Variants in CARMIL1 observed in about 807,000 individuals in gnomAD.
CARMIL1 encodes the protein capping protein regulator and myosin 1 linker 1, also known as F-actin-uncapping protein LRRC16A.
Under a neutral mutation model 177.1 loss-of-function variants are expected in CARMIL1, and 90 were observed. The ratio of observed to expected loss-of-function variants is 0.51; its 90% CI spans 0.43 to 0.61. The LOEUF is 0.61. CARMIL1 is among the 20% of genes least tolerant of loss of function. The pLI, the probability that CARMIL1 is intolerant of heterozygous loss-of-function variation, is 0.00. For synonymous variants in CARMIL1, 577 were observed against 606.2 expected, an observed-to-expected ratio of 0.95 and a Z score of 0.71; for missense variants, 1,380 against 1,667.0, an observed-to-expected ratio of 0.83 and a Z score of 3.00.
chr6:25,499,732 T>C lies in CARMIL1; in HGVS notation c.1326-434T>C, dbSNP rs572447064. Reference sequence around the variant, plus strand: ...ATACTACAGAGCCTGACTTCCTCACTTACATATTCCTTAGGGAAAACTAGC... The same window carrying C: ...ATACTACAGAGCCTGACTTCCTCACCTACATATTCCTTAGGGAAAACTAGC... On this transcript the variant is annotated intron_variant, in intron 16 of 36. Transcript: ENST00000329474. Among the ~76,000 whole-genome samples the C allele has an allele frequency of 7.2e-5, 11 of 152,330 alleles. No individual in the cohort carries two copies. The South Asian group carries it at 2.3e-3, about 32-fold the overall frequency.
At chr6:25,444,366 T>C (rs1324915767) in intron 5 of CARMIL1, among the ~76,000 whole-genome samples, 1 of 151,914 alleles carries the variant, frequency 6.6e-6, no homozygotes, top group Non-Finnish European at 1.5e-5. Flanking sequence ...TCAACCAGGT[T>C]CACAGTGTCT....
intron 2 of CARMIL1, among the ~76,000 whole-genome samples, chr6:25,411,336 C>A (rs1280330577): frequency 6.6e-6 from 1 of 152,152 alleles, no homozygotes; most frequent in African/African-American, 2.4e-5. Context: ...TCACCCTTGG[C>A]CTCATGCTAA....
intron 2 of CARMIL1, among the ~76,000 whole-genome samples, chr6:25,343,929 G>C (rs147472737): frequency 6.6e-6 from 1 of 152,026 alleles, no homozygotes; most frequent in African/African-American, 2.4e-5. Context: ...CTCCTGAAAC[G>C]CCACCTCCTC....
At chr6:25,494,760 C>A (rs534309574) in intron 15 of CARMIL1, among the ~76,000 whole-genome samples, 1 of 152,314 alleles carries the variant, frequency 6.6e-6, no homozygotes, top group African/African-American at 2.4e-5. Context: ...TTGTGCCACC[C>A]AGTGGGAAAG....
intron 2 of CARMIL1, among the ~76,000 whole-genome samples, chr6:25,415,299 ACTACAGG>A (rs1795259549): frequency 6.6e-6 from 1 of 152,056 alleles, no homozygotes; most frequent in African/African-American, 2.4e-5. Context: ...AGTAGTTGGG[ACTACAGG>A]TATGAGCCAC....
At chr6:25,336,601 T>C (rs77733631) in intron 2 of CARMIL1, among the ~76,000 whole-genome samples, 7,951 of 152,310 alleles carry the variant, frequency 0.052, 284 homozygotes, top group Non-Finnish European at 0.087. Flanking sequence ...AAATCATTCA[T>C]GAAAGTGCAC....
chr6:25,601,550 C>T (rs1815402076), intron 33 of CARMIL1, among the ~76,000 whole-genome samples: 1 of 152,096 alleles, frequency 6.6e-6, no homozygotes, highest in Non-Finnish European at 1.5e-5. Flanking sequence ...CTTTTCAAAC[C>T]TAAAAATTAT....
chr6:25,444,870 A>ACCC (rs1346319755), intron 5 of CARMIL1, among the ~76,000 whole-genome samples: 4 of 152,182 alleles, frequency 2.6e-5, no homozygotes, highest in Non-Finnish European at 4.4e-5. Context: ...AGGATTTATA[A>ACCC]TCCTTTGGGT....
At chr6:25,603,968 T>A (rs1815682700) in intron 33 of CARMIL1, among the ~76,000 whole-genome samples, 1 of 152,172 alleles carries the variant, frequency 6.6e-6, no homozygotes. Context: ...AATAGATCTG[T>A]GTCATGTGGT....
Position 25,595,264 on chromosome 6 carries a change from A to G in CARMIL1, c.3119+737A>G, listed in dbSNP as rs111710136. Among the ~76,000 whole-genome samples, 450 of 107,818 alleles carry G rather than the reference A, an allele frequency of 4.2e-3. 3 individuals are homozygous for G. The highest frequency in any genetic ancestry group is 0.015 in the African/African-American group (395 of 26,072). The allele number at this position is 107,818 out of a possible 152,430, so 70.7% of individuals were successfully genotyped here. A position where few individuals can be genotyped will look rare whatever the true frequency, so the allele number is the denominator to read the frequency against. On this transcript the variant is annotated intron_variant, in intron 32 of 36. Transcript: ENST00000329474. The stretch of plus-strand genomic sequence containing the variant: ...TCTTAACATGGATTTGTCTTTATGA[A>G]GATTCTCACCTTGAGATATCAAATT...
chr6:25,406,193 G>A lies in CARMIL1; in HGVS notation c.139-13921G>A, dbSNP rs1050359830. Among the ~76,000 whole-genome samples the A allele has an allele frequency of 1.1e-4, 16 of 152,154 alleles. 1 individual carries two copies. Among genetic ancestry groups the A allele is most frequent in the Non-Finnish European group, 2.1e-4 (14 of 68,030 alleles). ...GCAAATACGGTGGGAGTATATAATA[G>A]GGAGACCTGGTGTAGTCTGGACTTT... On this transcript the variant is annotated intron_variant, in intron 2 of 36. Coordinates refer to ENST00000329474, the MANE Select transcript of CARMIL1 (RefSeq NM_017640.6).
At chr6:25,463,290 A>G (rs1800282819) in intron 8 of CARMIL1, among the ~76,000 whole-genome samples, 1 of 152,066 alleles carries the variant, frequency 6.6e-6, no homozygotes, top group African/African-American at 2.4e-5. Flanking sequence ...TTATATGTAG[A>G]TTTTATTAAT....
intron 22 of CARMIL1, among the ~76,000 whole-genome samples, chr6:25,517,737 T>G (rs903696649): frequency 1.3e-5 from 2 of 149,860 alleles, no homozygotes; most frequent in African/African-American, 4.9e-5. Context: ...ATTGTGTAGA[T>G]TTCACAATCT....
rs577972186 is a variant in CARMIL1 at position 25,492,429 on chromosome 6, C to T, written c.1220+405C>T. On this transcript the variant is annotated intron_variant, in intron 15 of 36. Coordinates refer to ENST00000329474, the MANE Select transcript of CARMIL1 (RefSeq NM_017640.6). ...ATGCATTTTCACTTGTAGAAGTAAT[C>T]GAGGGCCAGTCTGACTACTTCACTT... 1.2e-4 allele frequency among the ~76,000 whole-genome samples: 18 copies of T among 152,232 alleles called. 1 individual carries two copies. In the East Asian group the frequency reaches 3.3e-3, roughly 28 times the overall value.
At chr6:25,340,554 C>A (rs768894010) in intron 2 of CARMIL1, among the ~76,000 whole-genome samples, 4 of 152,080 alleles carry the variant, frequency 2.6e-5, no homozygotes, top group Non-Finnish European at 5.9e-5. Flanking sequence ...CCAGATAGGC[C>A]AATTCATGTA....
chr6:25,378,023 T>C (rs985229153), intron 2 of CARMIL1, among the ~76,000 whole-genome samples: 26 of 152,144 alleles, frequency 1.7e-4, no homozygotes, highest in African/African-American at 6.3e-4. Context: ...GAGGGCTGGG[T>C]CAGGCAAGTC....
Position 25,423,122 on chromosome 6 carries a change from T to C in CARMIL1, c.189+2958T>C, listed in dbSNP as rs184820166. On this transcript the variant is annotated intron_variant, in intron 3 of 36. Coordinates refer to ENST00000329474, the MANE Select transcript of CARMIL1 (RefSeq NM_017640.6). ...AAGCCAGTGTGAATGATACTAATTT[T>C]CTGGAGAAATAAGTATATTTATAAC... Among the ~76,000 whole-genome samples, 131 of 152,340 alleles carry C rather than the reference T, an allele frequency of 8.6e-4. No individual in the cohort carries two copies. The Middle Eastern group carries it at 0.01, about 12-fold the overall frequency.
intron 5 of CARMIL1, among the ~76,000 whole-genome samples, chr6:25,445,218 T>G (rs1048557135): frequency 2.0e-5 from 3 of 152,208 alleles, no homozygotes; most frequent in Non-Finnish European, 4.4e-5. Flanking sequence ...TTGTTAAAAG[T>G]TTTTTCGTGG....
chr6:25,522,352 G>T (rs1046914816), intron 23 of CARMIL1, among the ~76,000 whole-genome samples: 46 of 152,180 alleles, frequency 3.0e-4, no homozygotes, highest in African/African-American at 1.1e-3. Context: ...TCCAGGATCT[G>T]CCTCCTGTAC....
Sources: gnomAD v4.1 joint callset for allele counts (sites outside exome capture counted in the v4.1 genomes callset) on GRCh38, gnomAD v4.1.1 for gene constraint, MANE v1.5 for transcripts, NCBI Gene and HGNC (gene_info 2026-07-23, HGNC 2026-07-21) for gene names.